Variants in DUSP26 observed in about 807,000 individuals in gnomAD.
DUSP26 encodes the protein dual specificity phosphatase 26.
DUSP26 carries 12 observed loss-of-function variants against 20.0 expected under a neutral mutation model. That is an observed-to-expected ratio of 0.60 (90% confidence interval 0.38 to 0.97). DUSP26 has a LOEUF of 0.97. DUSP26 is among the 50% of genes least tolerant of loss of function. DUSP26 has a pLI of 0.00. For synonymous variants in DUSP26, 120 were observed against 118.8 expected (o/e 1.01, Z -0.06); for missense variants, 230 against 294.0 (o/e 0.78, Z 1.59).
chr8:33,592,121 C>T lies in DUSP26; in HGVS notation c.528G>A (p.Val176=), dbSNP rs1320344728. The T allele has an allele frequency of 6.2e-7, 1 of 1,613,934 alleles. No individual in the cohort carries two copies. Among genetic ancestry groups the T allele is most frequent in the Non-Finnish European group, 8.5e-7 (1 of 1,180,014 alleles). ...GGTCTTTGACTTTCTTGATGGCCTC[C>T]ACGAGGGTAAGGTGGTGGTACAGCA... ...YLMLYHHLTL[V]EAIKKVKDHR... The change falls in exon 4 of 4, where the codon GTG becomes GTA. Residue 176 remains valine, a synonymous_variant. Transcript: ENST00000256261.
intron 1 of DUSP26, among the ~76,000 whole-genome samples, chr8:33,598,625 C>A (rs1184434765): frequency 1.3e-5 from 2 of 152,088 alleles, no homozygotes; most frequent in African/African-American, 4.8e-5. Context: ...CTACAAAACA[C>A]GAGGTCAATA....
intron 3 of DUSP26, 62 bp from the exon 4 acceptor site, chr8:33,592,274 G>A: frequency 4.7e-6 from 7 of 1,476,230 alleles, no homozygotes; most frequent in Non-Finnish European, 6.4e-6. Context: ...GGAGGCTGGG[G>A]AAAGGGTGAC....
intron 1 of DUSP26, 112 bp downstream of exon 1, chr8:33,599,553 G>C (rs1811224444): frequency 2.0e-5 from 3 of 152,194 alleles, no homozygotes; most frequent in South Asian, 4.1e-4. Context: ...GGCTCGCTGG[G>C]CTCGGGTGCC....
chr8:33,597,539 C>A lies in DUSP26; in HGVS notation c.-24G>T. ...ATCTTAGAGGTGGCAGAAACCGTGG[C>A]AGCTGCAGGAGTGGCTGTGGTGATG... On this transcript the variant is annotated 5_prime_UTR_variant, in exon 2 of 4. Transcript: ENST00000256261. 1 of 1,587,056 alleles carries A rather than the reference C, an allele frequency of 6.3e-7. No homozygotes were observed. Among genetic ancestry groups the A allele is most frequent in the Non-Finnish European group, 8.6e-7 (1 of 1,166,946 alleles).
intron 1 of DUSP26, chr8:33,597,879 G>GCACACACA: frequency 1.2e-5 from 1 of 85,710 alleles, no homozygotes; most frequent in Non-Finnish European, 2.1e-5. Flanking sequence ...CTGCCAGCAC[G>GCACACACA]CATACACACA....
In DUSP26 at chr8:33,591,970, G is replaced by T; in HGVS notation, c.*43C>A. 1 of 1,606,726 alleles carries T rather than the reference G, an allele frequency of 6.2e-7. No individual in the cohort carries two copies. ...GCCTCCTATCTCCAGCTGGGAGCCA[G>T]GGACCTACCCACGGGCCTGGCCTGA... On this transcript the variant is annotated 3_prime_UTR_variant, in exon 4 of 4. Coordinates refer to ENST00000256261, the MANE Select transcript of DUSP26 (RefSeq NM_024025.3).
intron 3 of DUSP26, 68 bp from the exon 4 acceptor site, chr8:33,592,280 G>C (rs1811039787): frequency 2.1e-6 from 3 of 1,442,472 alleles, no homozygotes; most frequent in African/African-American, 1.4e-5. Flanking sequence ...TGGGGAAAGG[G>C]TGACATGGGG....
At chr8:33,593,400 ATAT>A in intron 3 of DUSP26, 130 bp downstream of exon 3, 1 of 1,016,996 alleles carries the variant, frequency 9.8e-7, no homozygotes, top group Non-Finnish European at 1.4e-6. Context: ...GGTTGAGATA[ATAT>A]TTTTTTCTTT....
At position 33,593,608 on chromosome 8, in the gene DUSP26, A is replaced by G; in HGVS notation, c.361T>C (p.Ser121Pro). The change falls in exon 3 of 4, where the codon TCG becomes CCG. Residue 121 changes from serine (S) to proline (P), a missense_variant. Ser to Pro is a moderately conservative substitution (Grantham distance 74). Coordinates refer to ENST00000256261, the MANE Select transcript of DUSP26 (RefSeq NM_024025.3). Reference sequence around the variant, plus strand: ...TGGATGCTCATGTCAAAGGCTGGCGAGTCGTGGGCCTCAACACCCAGGTAG... The same window carrying G: ...TGGATGCTCATGTCAAAGGCTGGCGGGTCGTGGGCCTCAACACCCAGGTAG... ...IRYLGVEAHD[S>P]PAFDMSIHFQ... 6.2e-7 allele frequency: 1 copy of G among 1,614,146 alleles called. No individual in the cohort carries two copies. The highest frequency in any genetic ancestry group is 8.5e-7 in the Non-Finnish European group (1 of 1,180,024).
At chr8:33,599,325 G>C (rs1453767862) in intron 1 of DUSP26, among the ~76,000 whole-genome samples, 2 of 152,192 alleles carry the variant, frequency 1.3e-5, no homozygotes, top group Admixed American at 1.3e-4. Flanking sequence ...TCTCCGTGGG[G>C]CTGTTTTTCC....
intron 3 of DUSP26, among the ~76,000 whole-genome samples, chr8:33,593,076 A>G (rs1811059578): frequency 6.6e-6 from 1 of 152,156 alleles, no homozygotes; most frequent in Non-Finnish European, 1.5e-5. Flanking sequence ...GTTCAGGACC[A>G]GCCTGGCCAA....
Position 33,592,222 on chromosome 8 carries a change from G to A in DUSP26, c.437-10C>T. Reference sequence around the variant, plus strand: ...TGCACCAGGATCTTCCCTGAGAGGAGAGACACAGAGAGAGCTTTGAGACTG... The same window carrying A: ...TGCACCAGGATCTTCCCTGAGAGGAAAGACACAGAGAGAGCTTTGAGACTG... On this transcript the variant is annotated splice_polypyrimidine_tract_variant and intron_variant, in intron 3 of 3. Coordinates refer to ENST00000256261, the MANE Select transcript of DUSP26 (RefSeq NM_024025.3). The A allele has an allele frequency of 6.3e-7, 1 of 1,583,624 alleles. No homozygotes were observed. The highest frequency in any genetic ancestry group is 8.6e-7 in the Non-Finnish European group (1 of 1,165,600).
chr8:33,593,939 C>T (rs1811084421), intron 2 of DUSP26, among the ~76,000 whole-genome samples, 192 bp from the exon 3 acceptor site: 2 of 152,144 alleles, frequency 1.3e-5, no homozygotes, highest in African/African-American at 2.4e-5. Flanking sequence ...CCTGCCTCAG[C>T]CTCCCGGGTA....
At chr8:33,599,549 C>A (rs1351986491) in intron 1 of DUSP26, 116 bp downstream of exon 1, 3 of 152,132 alleles carry the variant, frequency 2.0e-5, no homozygotes, top group African/African-American at 7.2e-5. Context: ...GGCTGGCTCG[C>A]TGGGCTCGGG....
chr8:33,597,653 TG>T, intron 1 of DUSP26, 62 bp from the exon 2 acceptor site: 1 of 691,140 alleles, frequency 1.4e-6, no homozygotes, highest in South Asian at 2.0e-5. Context: ...TTCCCTTCCC[TG>T]GGCTGGTCCT....
At position 33,597,556 on chromosome 8, in the gene DUSP26, G is replaced by GC; in HGVS notation, c.-42_-41insG. 6.4e-7 allele frequency: 1 copy of GC among 1,561,524 alleles called. No individual in the cohort carries two copies. Reference sequence around the variant, plus strand: ...AACCGTGGCAGCTGCAGGAGTGGCTGTGGTGATGATGGGTTCAGTTGCCAG... The same window carrying GC: ...AACCGTGGCAGCTGCAGGAGTGGCTGCTGGTGATGATGGGTTCAGTTGCCAG... On this transcript the variant is annotated 5_prime_UTR_variant, in exon 2 of 4. Transcript: ENST00000256261.
At position 33,599,960 on chromosome 8, in the gene DUSP26, C is replaced by A. The variant is rs1427411053; in HGVS notation, c.-372G>T. 6.6e-6 allele frequency: 1 copy of A among 152,244 alleles called. No homozygotes were observed. Among genetic ancestry groups the A allele is most frequent in the East Asian group, 1.9e-4 (1 of 5,188 alleles). The allele number at this position is 152,244 out of a possible 1,614,324, so 9.4% of individuals were successfully genotyped here. A position where few individuals can be genotyped will look rare whatever the true frequency, so the allele number is the denominator to read the frequency against. ...GCGCGCCTTGCAGACCAGACACGGC[C>A]CCGCCGAGCCCCAGCAGCACCGCCT... On this transcript the variant is annotated 5_prime_UTR_variant, in exon 1 of 4. Transcript: ENST00000256261.
At chr8:33,595,445 G>C (rs1039814154) in intron 2 of DUSP26, among the ~76,000 whole-genome samples, 2 of 150,970 alleles carry the variant, frequency 1.3e-5, no homozygotes, top group Non-Finnish European at 2.9e-5. Context: ...GCAGTGGCGC[G>C]ATCTCGGCTC....
rs1811026198 is a variant in DUSP26, at chr8:33,591,864, A to G, written c.*149T>C. Reference sequence around the variant, plus strand: ...TCACTCCCCGTCCCCTCCCACAAAGAGTGACAGTGGCCTGGGGCTCGGCCT... The same window carrying G: ...TCACTCCCCGTCCCCTCCCACAAAGGGTGACAGTGGCCTGGGGCTCGGCCT... On this transcript the variant is annotated 3_prime_UTR_variant, in exon 4 of 4. Coordinates refer to ENST00000256261, the MANE Select transcript of DUSP26 (RefSeq NM_024025.3). 3.4e-6 allele frequency: 3 copies of G among 871,364 alleles called. No individual in the cohort carries two copies. Among genetic ancestry groups the G allele is most frequent in the Non-Finnish European group, 5.1e-6 (3 of 582,778 alleles). The allele number at this position is 871,364 out of a possible 1,614,324, so 54.0% of individuals were successfully genotyped here. A position where few individuals can be genotyped will look rare whatever the true frequency, so the allele number is the denominator to read the frequency against.
Sources: gnomAD v4.1 joint callset for allele counts (sites outside exome capture counted in the v4.1 genomes callset) on GRCh38, gnomAD v4.1.1 for gene constraint, MANE v1.5 for transcripts, NCBI Gene and HGNC (gene_info 2026-07-23, HGNC 2026-07-21) for gene names.